Variants in ELMO1 observed in about 807,000 individuals in gnomAD.
ELMO1 encodes the protein engulfment and cell motility protein 1.
ELMO1 carries 26 observed loss-of-function variants against 98.9 expected under a neutral mutation model. The ratio of observed to expected loss-of-function variants is 0.26; its 90% CI spans 0.19 to 0.36. ELMO1 has a LOEUF of 0.36. ELMO1 is among the 10% of genes least tolerant of loss of function. The pLI, the probability that ELMO1 is intolerant of heterozygous loss-of-function variation, is 1.00. For missense variants in ELMO1, 627 were observed against 935.2 expected, an observed-to-expected ratio of 0.67 and a Z score of 4.30; for synonymous variants, 346 against 346.0, an observed-to-expected ratio of 1.00 and a Z score of 0.00.
intron 16 of ELMO1, among the ~76,000 whole-genome samples, chr7:36,935,651 G>A (rs1020750031): frequency 2.6e-5 from 4 of 152,200 alleles, no homozygotes; most frequent in East Asian, 3.9e-4. Context: ...CCACAACAGC[G>A]TTTTTCATTC....
rs763362160 is a variant in ELMO1 at position 37,133,123 on chromosome 7, T to C, written c.1191+7A>G. On this transcript the variant is annotated splice_region_variant and intron_variant, in intron 14 of 21. Transcript: ENST00000310758. ...ACACAATATCTGAAAAGGGGCTTCT[T>C]GCTTACCCGGATGTAGGCATCTTGG... The C allele has an allele frequency of 2.1e-5, 34 of 1,603,720 alleles. No individual in the cohort carries two copies. The highest frequency in any genetic ancestry group is 3.3e-4 in the Middle Eastern group (2 of 6,046).
At chr7:37,446,751 A>G (rs1805635346) in intron 1 of ELMO1, among the ~76,000 whole-genome samples, 1 of 152,066 alleles carries the variant, frequency 6.6e-6, no homozygotes, top group African/African-American at 2.4e-5. Flanking sequence ...CTTGTTCTCC[A>G]GTTCAGTACC....
intron 4 of ELMO1, among the ~76,000 whole-genome samples, chr7:37,275,953 G>A (rs953458566): frequency 6.6e-6 from 1 of 152,190 alleles, no homozygotes. Context: ...AACTTGGGAT[G>A]TAAACTTCAT....
intron 4 of ELMO1, among the ~76,000 whole-genome samples, chr7:37,281,004 T>C (rs901744894): frequency 3.6e-5 from 4 of 109,856 alleles, no homozygotes; most frequent in Non-Finnish European, 8.0e-5. Context: ...TATAAAAATA[T>C]ATATATAAAT....
chr7:37,132,015 A>G lies in ELMO1; in HGVS notation c.1191+1115T>C, dbSNP rs553836707. 5.3e-5 allele frequency among the ~76,000 whole-genome samples: 8 copies of G among 152,192 alleles called. No individual in the cohort carries two copies. In the East Asian group the frequency reaches 7.7e-4, roughly 15 times the overall value. On this transcript the variant is annotated intron_variant, in intron 14 of 21. Transcript: ENST00000310758. ...TTTGGCCAGTAGCACACCACTAGGC[A>G]TGGTGACAACTGAAGAAACACGCCC...
intron 14 of ELMO1, among the ~76,000 whole-genome samples, chr7:37,101,298 G>C (rs1470034012): frequency 6.6e-6 from 1 of 152,196 alleles, no homozygotes; most frequent in African/African-American, 2.4e-5. Context: ...CAGGAATGCA[G>C]GGTGACAATA....
In ELMO1 at chr7:37,053,285, A is replaced by C. The variant is rs1436487226; in HGVS notation, c.1301-39850T>G. Among the ~76,000 whole-genome samples the C allele has an allele frequency of 6.5e-5, 9 of 138,872 alleles. No homozygotes were observed. In the South Asian group the frequency reaches 2.1e-3, roughly 33 times the overall value. 91.1% of individuals were successfully genotyped at this position (138,872 alleles called of 152,430 possible). A position where few individuals can be genotyped will look rare whatever the true frequency, so the allele number is the denominator to read the frequency against. On this transcript the variant is annotated intron_variant, in intron 15 of 21. Coordinates refer to ENST00000310758, the MANE Select transcript of ELMO1 (RefSeq NM_014800.11). ...TTTGCAGGGCATTTTCATTTGTTAA[A>C]ACACACACACACACACACACACACA...
chr7:36,906,568 T>G (rs999404468), intron 16 of ELMO1, among the ~76,000 whole-genome samples: 3 of 152,190 alleles, frequency 2.0e-5, no homozygotes, highest in Admixed American at 2.0e-4. Context: ...TGCTAATCAC[T>G]GGGTGAGGAG....
intron 1 of ELMO1, among the ~76,000 whole-genome samples, chr7:37,431,910 T>G (rs1647792): frequency 0.33 from 50,623 of 152,046 alleles, 9,458 homozygotes; most frequent in Non-Finnish European, 0.44. Context: ...ACATGGAGTT[T>G]CGCTCTTGTT....
At chr7:37,086,223 C>T (rs988221506) in intron 15 of ELMO1, among the ~76,000 whole-genome samples, 2 of 152,040 alleles carry the variant, frequency 1.3e-5, no homozygotes, top group South Asian at 2.1e-4. Context: ...CACAAGAGGC[C>T]GGAGTTAGAA....
intron 1 of ELMO1, among the ~76,000 whole-genome samples, chr7:37,392,149 T>C (rs908839201): frequency 1.6e-4 from 24 of 152,186 alleles, no homozygotes; most frequent in Non-Finnish European, 2.4e-4. Context: ...TAAACTTTTT[T>C]TTTTAAAGTC....
At chr7:37,005,001 C>T (rs142864010) in intron 16 of ELMO1, among the ~76,000 whole-genome samples, 3 of 146,642 alleles carry the variant, frequency 2.0e-5, no homozygotes, top group African/African-American at 7.6e-5. Flanking sequence ...CCCAGCTACT[C>T]AGGAGACCAA....
At chr7:37,386,650 G>A (rs1802816294) in intron 1 of ELMO1, among the ~76,000 whole-genome samples, 2 of 151,914 alleles carry the variant, frequency 1.3e-5, no homozygotes, top group South Asian at 2.1e-4. Flanking sequence ...AAGATTCAGG[G>A]TCCACACTCG....
At chr7:37,427,963 T>C (rs1353810186) in intron 1 of ELMO1, among the ~76,000 whole-genome samples, 1 of 151,914 alleles carries the variant, frequency 6.6e-6, no homozygotes, top group Non-Finnish European at 1.5e-5. Flanking sequence ...GGGAGAAAAA[T>C]AAGTTATCCC....
At chr7:37,317,095 C>G (rs1163294916) in intron 2 of ELMO1, among the ~76,000 whole-genome samples, 1 of 152,096 alleles carries the variant, frequency 6.6e-6, no homozygotes, top group East Asian at 1.9e-4. Context: ...GGGCAAAAGA[C>G]TTCAAAAAAG....
chr7:37,106,793 AT>A (rs995815809), intron 14 of ELMO1, among the ~76,000 whole-genome samples: 1 of 151,972 alleles, frequency 6.6e-6, no homozygotes, highest in Admixed American at 6.6e-5. Context: ...CTTCATTGTA[AT>A]TTTTTTTAAA....
chr7:36,863,487 C>T lies in ELMO1; in HGVS notation c.1906-1751G>A, dbSNP rs193186655. Reference sequence around the variant, plus strand: ...AAATACATATCAAGAACCAGAGATGCTATGCCTGAGATAATTTCAAAAGAA... The same window carrying T: ...AAATACATATCAAGAACCAGAGATGTTATGCCTGAGATAATTTCAAAAGAA... On this transcript the variant is annotated intron_variant, in intron 20 of 21. Coordinates refer to ENST00000310758, the MANE Select transcript of ELMO1 (RefSeq NM_014800.11). Among the ~76,000 whole-genome samples, 15 of 152,226 alleles carry T rather than the reference C, an allele frequency of 9.9e-5. No homozygotes were observed. In the East Asian group the frequency reaches 2.7e-3, roughly 27 times the overall value.
chr7:37,216,750 A>G, intron 10 of ELMO1, 55 bp from the exon 11 acceptor site: 1 of 1,602,432 alleles, frequency 6.2e-7, no homozygotes, highest in East Asian at 2.2e-5. Flanking sequence ...CTACATTTCG[A>G]CATGGCCAAA....
intron 19 of ELMO1, among the ~76,000 whole-genome samples, chr7:36,875,598 T>C (rs1182815189): frequency 2.0e-5 from 3 of 152,206 alleles, no homozygotes; most frequent in Non-Finnish European, 4.4e-5. Flanking sequence ...AGAACCAGCC[T>C]TGCTCAGTGG....
Sources: allele counts gnomAD v4.1 joint callset (sites outside exome capture counted in the v4.1 genomes callset), GRCh38; gene constraint gnomAD v4.1.1; transcripts MANE v1.5; gene names NCBI Gene and HGNC (gene_info 2026-07-23, HGNC 2026-07-21).